Variants in KCND3 observed in about 807,000 individuals in gnomAD.
KCND3 encodes potassium voltage-gated channel subfamily D member 3.
In KCND3, 9 loss-of-function variants were observed where a neutral mutation model predicts 51.1. The ratio of observed to expected loss-of-function variants is 0.18; its 90% CI spans 0.11 to 0.31. KCND3 has a LOEUF of 0.31. Ranked by LOEUF, KCND3 falls within the 10% of genes least tolerant of loss-of-function variation. The pLI is 1.00. For missense variants in KCND3, 526 were observed against 903.8 expected (o/e 0.58, Z 5.36); for synonymous variants, 349 against 368.0 (o/e 0.95, Z 0.59).
intron 2 of KCND3, among the ~76,000 whole-genome samples, chr1:111,955,984 A>G (rs1163117358): frequency 6.6e-6 from 1 of 152,130 alleles, no homozygotes; most frequent in Non-Finnish European, 1.5e-5. Context: ...AGTGGTTACC[A>G]TGTGATAACC....
chr1:111,904,490 T>A lies in KCND3; in HGVS notation c.1106+77131A>T, dbSNP rs530415268. Among the ~76,000 whole-genome samples the A allele has an allele frequency of 2.0e-5, 3 of 152,330 alleles. No individual in the cohort carries two copies. The South Asian group carries it at 6.2e-4, about 32-fold the overall frequency. On this transcript the variant is annotated intron_variant, in intron 2 of 7. Coordinates refer to ENST00000302127, the MANE Select transcript of KCND3 (RefSeq NM_001378969.1). ...GCCTGTGTTCTTTTAACCCTCTCTA[T>A]GGGCAAAACACAGCCCCACGTGAGT... is the stretch of plus-strand genomic sequence containing the variant.
chr1:111,912,741 T>TA (rs762664556), intron 2 of KCND3, among the ~76,000 whole-genome samples: 99 of 152,140 alleles, frequency 6.5e-4, no homozygotes, highest in African/African-American at 1.1e-3. Flanking sequence ...GTTTAAACAG[T>TA]AAAAAAACCC....
intron 2 of KCND3, among the ~76,000 whole-genome samples, chr1:111,942,619 C>T (rs1672579981): frequency 6.6e-6 from 1 of 152,210 alleles, no homozygotes; most frequent in Non-Finnish European, 1.5e-5. Flanking sequence ...TCACTACACC[C>T]ATCGCTGGCT....
intron 2 of KCND3, among the ~76,000 whole-genome samples, chr1:111,893,108 GACCATCCCC>G (rs1235459063): frequency 6.6e-6 from 1 of 152,212 alleles, no homozygotes; most frequent in Non-Finnish European, 1.5e-5. Context: ...GGTGACAGAA[GACCATCCCC>G]ACCCTCTGAA....
At chr1:111,872,664 GAAA>G (rs1668878647) in intron 2 of KCND3, among the ~76,000 whole-genome samples, 1 of 152,130 alleles carries the variant, frequency 6.6e-6, no homozygotes, top group Non-Finnish European at 1.5e-5. Context: ...GAGAAAATGG[GAAA>G]CAAGGAATCT....
At chr1:111,788,058 C>T (rs1664683673) in intron 2 of KCND3, among the ~76,000 whole-genome samples, 1 of 152,204 alleles carries the variant, frequency 6.6e-6, no homozygotes. Flanking sequence ...CTTGGAGAAA[C>T]TCTTTTAAGT....
At chr1:111,814,844 AG>A (rs1174534640) in intron 2 of KCND3, among the ~76,000 whole-genome samples, 5 of 152,184 alleles carry the variant, frequency 3.3e-5, no homozygotes, top group Non-Finnish European at 7.3e-5. Flanking sequence ...CTGCTGTTCT[AG>A]GCACGTGCTT....
chr1:111,806,885 T>A (rs1284113159), intron 2 of KCND3, among the ~76,000 whole-genome samples: 1 of 152,172 alleles, frequency 6.6e-6, no homozygotes, highest in Non-Finnish European at 1.5e-5. Context: ...TACACTTCAC[T>A]CAAAGTTGGG....
At chr1:111,813,048 G>A (rs1037533587) in intron 2 of KCND3, among the ~76,000 whole-genome samples, 2 of 152,166 alleles carry the variant, frequency 1.3e-5, no homozygotes, top group Admixed American at 1.3e-4. Context: ...GTAACCACAG[G>A]CTCCTGGGAA....
chr1:111,847,850 A>T (rs1667629370), intron 2 of KCND3, among the ~76,000 whole-genome samples: 1 of 152,172 alleles, frequency 6.6e-6, no homozygotes, highest in South Asian at 2.1e-4. Flanking sequence ...CGAAGGGGAA[A>T]GTCAGAGGAA....
chr1:111,940,277 T>C (rs1672453166), intron 2 of KCND3, among the ~76,000 whole-genome samples: 1 of 151,966 alleles, frequency 6.6e-6, no homozygotes, highest in Non-Finnish European at 1.5e-5. Context: ...TTGTTTTTGG[T>C]GTTTTGGTCA....
chr1:111,793,620 A>G (rs1664935602), intron 2 of KCND3, among the ~76,000 whole-genome samples: 1 of 152,332 alleles, frequency 6.6e-6, no homozygotes, highest in Admixed American at 6.5e-5. Flanking sequence ...CACAGTAAAC[A>G]CTCATTAAAT....
chr1:111,917,693 G>A lies in KCND3; in HGVS notation c.1106+63928C>T, dbSNP rs190172870. Among the ~76,000 whole-genome samples the A allele has an allele frequency of 3.5e-3, 534 of 152,280 alleles. 2 individuals are homozygous for A. Among genetic ancestry groups the A allele is most frequent in the Non-Finnish European group, 6.0e-3 (406 of 68,040 alleles). ...TATAATCCTTTAATGACCGTGGGAAGGGACAGGGCAGGTAGAATTATCTTC... is the reference window on the plus strand; with the variant it reads ...TATAATCCTTTAATGACCGTGGGAAAGGACAGGGCAGGTAGAATTATCTTC... On this transcript the variant is annotated intron_variant, in intron 2 of 7. Coordinates refer to ENST00000302127, the MANE Select transcript of KCND3 (RefSeq NM_001378969.1).
At chr1:111,898,402 A>C (rs1461957065) in intron 2 of KCND3, among the ~76,000 whole-genome samples, 1 of 152,142 alleles carries the variant, frequency 6.6e-6, no homozygotes. Context: ...GCACATGTGC[A>C]GTACTCAAAA....
chr1:111,896,519 C>G (rs1318263567), intron 2 of KCND3, among the ~76,000 whole-genome samples: 1 of 152,224 alleles, frequency 6.6e-6, no homozygotes, highest in African/African-American at 2.4e-5. Context: ...GCAGTGCCAT[C>G]TGGACCCAAC....
intron 2 of KCND3, among the ~76,000 whole-genome samples, chr1:111,906,685 G>A (rs562352394): frequency 2.6e-5 from 4 of 151,876 alleles, no homozygotes; most frequent in Admixed American, 1.3e-4. Flanking sequence ...ATATCCCCTC[G>A]ATCCCAACTT....
intron 2 of KCND3, among the ~76,000 whole-genome samples, chr1:111,916,153 G>A (rs895650245): frequency 6.6e-6 from 1 of 152,102 alleles, no homozygotes; most frequent in Non-Finnish European, 1.5e-5. Flanking sequence ...TAAATCACTG[G>A]CTAAGATAAG....
At position 111,780,624 on chromosome 1, in the gene KCND3, C is replaced by A; in HGVS notation, c.1371+66G>T. The stretch of plus-strand genomic sequence containing the variant: ...GGCTCTGGTGAGAGTGCTGGTGTCC[C>A]GGGAAAGAGAAAACAAGCCCATCTA... On this transcript the variant is annotated intron_variant, in intron 4 of 7. Coordinates refer to ENST00000302127, the MANE Select transcript of KCND3 (RefSeq NM_001378969.1). This position sits in a 1 kb window ranked among gnomAD's most constrained non-coding sequence, Gnocchi z 4.2. 7.3e-7 allele frequency: 1 copy of A among 1,364,218 alleles called. No individual in the cohort carries two copies. The highest frequency in any genetic ancestry group is 1.0e-6 in the Non-Finnish European group (1 of 974,368). 84.5% of individuals were successfully genotyped at this position (1,364,218 alleles called of 1,614,324 possible). A position where few individuals can be genotyped will look rare whatever the true frequency, so the allele number is the denominator to read the frequency against.
In KCND3 at chr1:111,775,983, G is replaced by A. The variant is rs1030895139; in HGVS notation, c.*94C>T. ...ACAATGGGGCAGGCAGAAATAGTGG[G>A]GAAAGGGGGGAGGGAGTGGTCTCAG... On this transcript the variant is annotated 3_prime_UTR_variant, in exon 8 of 8. Transcript: ENST00000302127. 2 of 1,345,680 alleles carry A rather than the reference G, an allele frequency of 1.5e-6. No individual in the cohort carries two copies. Among genetic ancestry groups the A allele is most frequent in the Admixed American group, 1.7e-5 (1 of 57,908 alleles). The allele number at this position is 1,345,680 out of a possible 1,614,324, so 83.4% of individuals were successfully genotyped here. A position where few individuals can be genotyped will look rare whatever the true frequency, so the allele number is the denominator to read the frequency against.
Sources: gnomAD v4.1 joint callset for allele counts (sites outside exome capture counted in the v4.1 genomes callset) on GRCh38, gnomAD v4.1.1 for gene constraint, Gnocchi (gnomAD v3.1) non-coding constraint, MANE v1.5 for transcripts, NCBI Gene and HGNC (gene_info 2026-07-23, HGNC 2026-07-21) for gene names.